Variants in CC2D2B observed in about 807,000 individuals in gnomAD.
The protein encoded by CC2D2B is coiled-coil and C2 domain containing 2B, also known as protein CC2D2B.
In CC2D2B, 128 loss-of-function variants were observed where a neutral mutation model predicts 161.2. The observed-to-expected ratio is 0.79, with a 90% CI of 0.69 to 0.92. The LOEUF (loss-of-function observed/expected upper bound fraction) is 0.92. Among genes scored for constraint, CC2D2B ranks in the 40% least tolerant of loss-of-function variants. The pLI is 0.00. For synonymous variants in CC2D2B, 391 were observed against 449.8 expected (o/e 0.87, Z 1.65); for missense variants, 1,173 against 1,375.1 (o/e 0.85, Z 2.32).
chr10:95,950,921 G>C (rs1564612523), intron 10 of CC2D2B, among the ~76,000 whole-genome samples: 1 of 152,068 alleles, frequency 6.6e-6, no homozygotes, highest in African/African-American at 2.4e-5. Flanking sequence ...CCGAGTTCAA[G>C]CGATTCTCTT....
intron 2 of CC2D2B, among the ~76,000 whole-genome samples, chr10:95,917,574 T>C (rs530566332): frequency 2.0e-5 from 3 of 152,312 alleles, no homozygotes; most frequent in East Asian, 3.9e-4. Flanking sequence ...GGTTTTTTGT[T>C]TGATGTTACA....
chr10:95,979,141 A>G (rs1288342772), intron 17 of CC2D2B, among the ~76,000 whole-genome samples: 2 of 144,382 alleles, frequency 1.4e-5, no homozygotes, highest in Non-Finnish European at 3.0e-5. Context: ...CTTTTGGGTG[A>G]TTTTGATTTA....
In CC2D2B at chr10:95,909,123, C is replaced by T. The variant is rs150764792; in HGVS notation, c.-24+1066C>T. Among the ~76,000 whole-genome samples, 15 of 152,228 alleles carry T rather than the reference C, an allele frequency of 9.9e-5. No individual in the cohort carries two copies. In the East Asian group the frequency reaches 2.9e-3, roughly 29 times the overall value. ...CAGATCAGAAAATCTTTTGTCACGC[C>T]GTTTGTTCCTAAGTTTTGATTTTGG... is the stretch of plus-strand genomic sequence containing the variant. On this transcript the variant is annotated intron_variant, in intron 1 of 34. Coordinates refer to ENST00000646931, the MANE Select transcript of CC2D2B (RefSeq NM_001349008.3).
chr10:96,022,137 A>G (rs2141929321), intron 32 of CC2D2B, among the ~76,000 whole-genome samples: 1 of 152,154 alleles, frequency 6.6e-6, no homozygotes, highest in South Asian at 2.1e-4. Context: ...GGCCAACATG[A>G]TGAAATCCCG....
At chr10:95,977,188 G>A (rs1378415324) in intron 17 of CC2D2B, among the ~76,000 whole-genome samples, 3 of 152,148 alleles carry the variant, frequency 2.0e-5, no homozygotes, top group Non-Finnish European at 4.4e-5. Context: ...TGGCCAACAT[G>A]GTGGAGTGGA....
chr10:96,020,702 T>C (rs1224810226), intron 32 of CC2D2B: 1 of 152,092 alleles, frequency 6.6e-6, no homozygotes, highest in Non-Finnish European at 1.5e-5. Context: ...ACTTACATGC[T>C]AAACCTCACT....
intron 6 of CC2D2B, among the ~76,000 whole-genome samples, chr10:95,934,113 A>C (rs1378412424): frequency 6.6e-6 from 1 of 152,184 alleles, no homozygotes; most frequent in Non-Finnish European, 1.5e-5. Context: ...GTTTGGCTAC[A>C]GCAGCTTTGC....
intron 19 of CC2D2B, among the ~76,000 whole-genome samples, chr10:95,986,360 G>T (rs1257405541): frequency 1.3e-5 from 2 of 151,490 alleles, no homozygotes; most frequent in Non-Finnish European, 2.9e-5. Flanking sequence ...ATTGGGGGCG[G>T]GTTCCCCTGA....
intron 20 of CC2D2B, 43 bp downstream of exon 20, chr10:95,988,385 G>T: frequency 1.1e-6 from 1 of 940,704 alleles, no homozygotes; most frequent in South Asian, 5.3e-5. Context: ...TTGTTTTTGT[G>T]AAAACTGGTC....
intron 17 of CC2D2B, among the ~76,000 whole-genome samples, chr10:95,980,947 A>G (rs1052717007): frequency 2.0e-5 from 3 of 152,240 alleles, no homozygotes; most frequent in African/African-American, 7.2e-5. Flanking sequence ...CAAATTCTCT[A>G]TGAAGAGACA....
chr10:96,025,059 A>C (rs1043146560), intron 33 of CC2D2B, 148 bp downstream of exon 33: 4 of 371,798 alleles, frequency 1.1e-5, no homozygotes, highest in Non-Finnish European at 1.4e-5. Flanking sequence ...CTATAATCGC[A>C]GTTCTCTGGG....
chr10:96,007,857 C>T (rs574421310), intron 25 of CC2D2B, among the ~76,000 whole-genome samples: 3 of 152,174 alleles, frequency 2.0e-5, no homozygotes, highest in African/African-American at 7.2e-5. Flanking sequence ...ATGCCAATCC[C>T]TTTTATGCCT....
chr10:96,024,717 T>C, intron 32 of CC2D2B, 136 bp from the exon 33 acceptor site: 1 of 513,376 alleles, frequency 1.9e-6, no homozygotes, highest in East Asian at 3.6e-5. Context: ...GTGGTCTGCA[T>C]GTTACCTATG....
At chr10:95,993,096 G>A (rs539639158) in intron 22 of CC2D2B, 64 of 157,822 alleles carry the variant, frequency 4.1e-4, no homozygotes, top group African/African-American at 1.4e-3. Context: ...GGAAAGCTGC[G>A]AAGCAAATGT....
intron 25 of CC2D2B, among the ~76,000 whole-genome samples, chr10:96,005,513 A>C (rs2078707607): frequency 6.6e-6 from 1 of 152,096 alleles, no homozygotes; most frequent in Non-Finnish European, 1.5e-5. Flanking sequence ...CACACAATTG[A>C]AAGAAGGTTT....
chr10:95,964,046 T>C (rs117911117), intron 12 of CC2D2B, among the ~76,000 whole-genome samples: 2,835 of 152,292 alleles, frequency 0.019, 36 homozygotes, highest in Middle Eastern at 0.054. Flanking sequence ...TTTCTTATAT[T>C]GTCTTCACTT....
chr10:96,006,630 T>C (rs2078760814), intron 25 of CC2D2B, among the ~76,000 whole-genome samples: 1 of 152,138 alleles, frequency 6.6e-6, no homozygotes, highest in Admixed American at 6.6e-5. Flanking sequence ...AGGGACCCTA[T>C]TGGACAAGCT....
At chr10:96,006,533 T>C (rs1427886681) in intron 25 of CC2D2B, among the ~76,000 whole-genome samples, 1 of 152,116 alleles carries the variant, frequency 6.6e-6, no homozygotes, top group African/African-American at 2.4e-5. Flanking sequence ...TTTGAGCCTT[T>C]AGTCCATGGT....
At chr10:95,908,842 TA>T (rs1325810692) in intron 1 of CC2D2B, among the ~76,000 whole-genome samples, 1 of 145,752 alleles carries the variant, frequency 6.9e-6, no homozygotes, top group African/African-American at 2.5e-5. Context: ...AATACATTTT[TA>T]TAAATCTTGT....
Sources: gnomAD v4.1 joint callset for allele counts (sites outside exome capture counted in the v4.1 genomes callset) on GRCh38, gnomAD v4.1.1 for gene constraint, MANE v1.5 for transcripts, NCBI Gene and HGNC (gene_info 2026-07-23, HGNC 2026-07-21) for gene names.